The following SAMD4A variants were observed in gnomAD, a reference collection of about 807,000 sequenced individuals.
SAMD4A encodes the protein sterile alpha motif domain containing 4A.
A neutral mutation model predicts 81.3 loss-of-function variants in SAMD4A; 33 were observed. The observed-to-expected ratio is 0.41, with a 90% CI of 0.31 to 0.54. The LOEUF is 0.54. Ranked by LOEUF, SAMD4A falls within the 20% of genes least tolerant of loss-of-function variation. The pLI is 0.37. For missense variants in SAMD4A, 854 were observed against 951.1 expected (o/e 0.90, Z 1.34); for synonymous variants, 389 against 382.1 (o/e 1.02, Z -0.21).
At chr14:54,774,515 G>T (rs559238891) in intron 9 of SAMD4A, among the ~76,000 whole-genome samples, 1 of 152,180 alleles carries the variant, frequency 6.6e-6, no homozygotes, top group Non-Finnish European at 1.5e-5. Context: ...ACCAGCCTGG[G>T]CAACATGGTA....
intron 2 of SAMD4A, among the ~76,000 whole-genome samples, chr14:54,635,555 G>T (rs545511058): frequency 6.6e-6 from 1 of 151,972 alleles, no homozygotes; most frequent in Non-Finnish European, 1.5e-5. Flanking sequence ...TTCGAGACCA[G>T]CCTGGCCAAC....
intron 2 of SAMD4A, among the ~76,000 whole-genome samples, chr14:54,598,937 C>T (rs1314061744): frequency 6.6e-6 from 1 of 152,106 alleles, no homozygotes; most frequent in Non-Finnish European, 1.5e-5. Flanking sequence ...CCTCCTACCT[C>T]AGCCTCCTAA....
At chr14:54,613,073 C>T (rs372280095) in intron 2 of SAMD4A, among the ~76,000 whole-genome samples, 9 of 150,898 alleles carry the variant, frequency 6.0e-5, no homozygotes, top group African/African-American at 2.0e-4. Context: ...GTTGAGATCA[C>T]GCCACTGCAC....
At chr14:54,574,351 C>G (rs915196352) in intron 2 of SAMD4A, among the ~76,000 whole-genome samples, 6 of 152,214 alleles carry the variant, frequency 3.9e-5, no homozygotes, top group Non-Finnish European at 7.3e-5. Context: ...AAGAAGTAAA[C>G]TTGACTGTGT....
chr14:54,582,704 T>C (rs2033503023), intron 2 of SAMD4A, among the ~76,000 whole-genome samples: 1 of 152,218 alleles, frequency 6.6e-6, no homozygotes, highest in Non-Finnish European at 1.5e-5. Flanking sequence ...GTAGTCTATG[T>C]ATTAGGGGAT....
chr14:54,593,312 T>G (rs1308163902), intron 2 of SAMD4A, among the ~76,000 whole-genome samples: 1 of 152,266 alleles, frequency 6.6e-6, no homozygotes, highest in Non-Finnish European at 1.5e-5. Context: ...TAAGTAATTC[T>G]TGATTACTAT....
intron 2 of SAMD4A, among the ~76,000 whole-genome samples, chr14:54,585,829 C>A (rs1168420711): frequency 6.6e-6 from 1 of 152,152 alleles, no homozygotes; most frequent in African/African-American, 2.4e-5. Context: ...TTTCTTTATT[C>A]ACTCATTGAT....
At position 54,789,106 on chromosome 14, in the gene SAMD4A, G is replaced by A. The variant is rs961089271; in HGVS notation, c.*162G>A. On this transcript the variant is annotated 3_prime_UTR_variant, in exon 13 of 13. Coordinates refer to ENST00000554335, the MANE Select transcript of SAMD4A (RefSeq NM_015589.6). ...TTTTGTGAGAGCGTAGGTCATCCTCGTAAACATATCAGTAGACCTGGGGTT... is the reference window on the plus strand; with the variant it reads ...TTTTGTGAGAGCGTAGGTCATCCTCATAAACATATCAGTAGACCTGGGGTT... 12 of 676,574 alleles carry A rather than the reference G, an allele frequency of 1.8e-5. No individual in the cohort carries two copies. The highest frequency in any genetic ancestry group is 4.8e-5 in the South Asian group (3 of 62,972). The allele number at this position is 676,574 out of a possible 1,614,324, so 41.9% of individuals were successfully genotyped here.
chr14:54,576,805 G>T (rs2033311235), intron 2 of SAMD4A, among the ~76,000 whole-genome samples: 1 of 152,170 alleles, frequency 6.6e-6, no homozygotes, highest in South Asian at 2.1e-4. Flanking sequence ...GCTTTAGCGT[G>T]GTTTCAGTGA....
Position 54,764,503 on chromosome 14 carries a change from C to T in SAMD4A, c.1559C>T (p.Ser520Phe). 6.2e-7 allele frequency: 1 copy of T among 1,612,826 alleles called. No homozygotes were observed. Among genetic ancestry groups the T allele is most frequent in the South Asian group, 1.1e-5 (1 of 90,836 alleles). Reference protein sequence around the residue: ...VSRPDEENISSYLQLIDKCLI... With the variant: ...VSRPDEENISFYLQLIDKCLI... ...AGACCTGATGAGGAAAATATAAGTTCCTATTTACAGCTCATAGACAAGTGT... is the reference window on the plus strand; with the variant it reads ...AGACCTGATGAGGAAAATATAAGTTTCTATTTACAGCTCATAGACAAGTGT... The change falls in exon 8 of 13, where the codon TCC (serine) becomes TTC (phenylalanine). Residue 520 changes from serine to phenylalanine, a missense_variant. By Grantham distance (155) the Ser-to-Phe change is radical (BLOSUM62 -2). Coordinates refer to ENST00000554335, the MANE Select transcript of SAMD4A (RefSeq NM_015589.6).
At chr14:54,683,608 A>T (rs142943306) in intron 2 of SAMD4A, among the ~76,000 whole-genome samples, 1,743 of 152,312 alleles carry the variant, frequency 0.011, 18 homozygotes, top group Middle Eastern at 0.031. Context: ...CAGAAAATGT[A>T]GATTCCTTCC....
chr14:54,732,145 C>T (rs376097596), intron 3 of SAMD4A, among the ~76,000 whole-genome samples: 3 of 152,154 alleles, frequency 2.0e-5, no homozygotes, highest in Admixed American at 6.5e-5. Context: ...TACACATGAA[C>T]GGTGTAAGTT....
rs529104830 is a variant in SAMD4A, at chr14:54,681,893, G to A, written c.197-20169G>A. Reference sequence around the variant, plus strand: ...TAAGCTGTGACAGACCACTGCTCTGGAGGATGGAAAGATTTATGACTGCCG... The same window carrying A: ...TAAGCTGTGACAGACCACTGCTCTGAAGGATGGAAAGATTTATGACTGCCG... On this transcript the variant is annotated intron_variant, in intron 2 of 12. Transcript: ENST00000554335. 1.4e-5 allele frequency: 14 copies of A among 985,410 alleles called. No homozygotes were observed. The South Asian group carries it at 5.6e-4, about 40-fold the overall frequency. 61.0% of individuals were successfully genotyped at this position (985,410 alleles called of 1,614,324 possible).
At chr14:54,700,240 G>T (rs950664958) in intron 2 of SAMD4A, among the ~76,000 whole-genome samples, 5 of 152,124 alleles carry the variant, frequency 3.3e-5, no homozygotes, top group African/African-American at 1.2e-4. Flanking sequence ...CACAGCACAT[G>T]GAGGGGCAGA....
intron 2 of SAMD4A, among the ~76,000 whole-genome samples, chr14:54,582,517 G>A (rs1216297618): frequency 6.6e-6 from 1 of 152,168 alleles, no homozygotes; most frequent in Non-Finnish European, 1.5e-5. Flanking sequence ...CACCAGCTCA[G>A]CATTTAGCAC....
rs1219334637 is a variant in SAMD4A at position 54,793,270 on chromosome 14, T to C, written c.*4326T>C. ...ATGGCTATATTTCATATCAACGTTA[T>C]ATTGAAAGTGAAGGGAAATGATTAA... On this transcript the variant is annotated 3_prime_UTR_variant, in exon 13 of 13. Transcript: ENST00000554335. 1 of 152,168 alleles carries C rather than the reference T, an allele frequency of 6.6e-6. No homozygotes were observed. Among genetic ancestry groups the C allele is most frequent in the Non-Finnish European group, 1.5e-5 (1 of 68,024 alleles). The allele number at this position is 152,168 out of a possible 1,614,324, so 9.4% of individuals were successfully genotyped here. A position where few individuals can be genotyped will look rare whatever the true frequency, so the allele number is the denominator to read the frequency against.
At position 54,789,139 on chromosome 14, in the gene SAMD4A, T is replaced by C. The variant is rs994300270; in HGVS notation, c.*195T>C. 19 of 639,596 alleles carry C rather than the reference T, an allele frequency of 3.0e-5. No homozygotes were observed. Among genetic ancestry groups the C allele is most frequent in the Non-Finnish European group, 5.3e-5 (19 of 358,666 alleles). 39.6% of individuals were successfully genotyped at this position (639,596 alleles called of 1,614,324 possible). A position where few individuals can be genotyped will look rare whatever the true frequency, so the allele number is the denominator to read the frequency against. On this transcript the variant is annotated 3_prime_UTR_variant, in exon 13 of 13. Coordinates refer to ENST00000554335, the MANE Select transcript of SAMD4A (RefSeq NM_015589.6). The stretch of plus-strand genomic sequence containing the variant: ...ATCAGTAGACCTGGGGTTGGTTATT[T>C]TGTCATTTGTTTCTGTCATGGGATG...
intron 2 of SAMD4A, among the ~76,000 whole-genome samples, chr14:54,609,820 A>G (rs745587981): frequency 1.3e-5 from 2 of 152,236 alleles, no homozygotes; most frequent in Admixed American, 6.5e-5. Flanking sequence ...TTGTTACAGT[A>G]TTAAAACTTG....
chr14:54,793,305 T>A lies in SAMD4A; in HGVS notation c.*4361T>A, dbSNP rs575738143. On this transcript the variant is annotated 3_prime_UTR_variant, in exon 13 of 13. Transcript: ENST00000554335. ...GAAGGGAAATGATTAATACAAGGTTTTGTAACACTGGTGTGTCTTTTTCTT... is the reference window on the plus strand; with the variant it reads ...GAAGGGAAATGATTAATACAAGGTTATGTAACACTGGTGTGTCTTTTTCTT... The A allele has an allele frequency of 2.0e-5, 3 of 152,232 alleles. No individual in the cohort carries two copies. Among genetic ancestry groups the A allele is most frequent in the African/African-American group, 7.2e-5 (3 of 41,524 alleles). 9.4% of individuals were successfully genotyped at this position (152,232 alleles called of 1,614,324 possible). A position where few individuals can be genotyped will look rare whatever the true frequency, so the allele number is the denominator to read the frequency against.
Sources: allele counts gnomAD v4.1 joint callset (sites outside exome capture counted in the v4.1 genomes callset), GRCh38; gene constraint gnomAD v4.1.1; transcripts MANE v1.5; gene names NCBI Gene and HGNC (gene_info 2026-07-23, HGNC 2026-07-21).